CDYL: variants seen among roughly 807,000 people sequenced by gnomAD.
CDYL encodes the protein chromodomain Y like.
CDYL carries 8 observed loss-of-function variants against 47.3 expected under a neutral mutation model. The ratio of observed to expected loss-of-function variants is 0.17; its 90% CI spans 0.10 to 0.31. The LOEUF is 0.31. CDYL is among the 10% of genes least tolerant of loss of function. The pLI is 1.00. For missense variants in CDYL, 471 were observed against 701.4 expected (o/e 0.67, Z 3.71); for synonymous variants, 266 against 265.0 (o/e 1.00, Z -0.04).
intron 2 of CDYL, among the ~76,000 whole-genome samples, chr6:4,913,458 C>T (rs959797668): frequency 6.6e-6 from 1 of 152,094 alleles, no homozygotes; most frequent in East Asian, 1.9e-4. Flanking sequence ...AATGGTGGCT[C>T]GTAGTGTTTT....
intron 3 of CDYL, among the ~76,000 whole-genome samples, chr6:4,762,674 T>C (rs932227550): frequency 1.2e-4 from 17 of 137,186 alleles, no homozygotes; most frequent in African/African-American, 4.7e-4. Context: ...AAAAAAGGTT[T>C]AAGAGCAGAT....
At chr6:4,850,801 A>G (rs1281072878) in intron 1 of CDYL, among the ~76,000 whole-genome samples, 1 of 152,254 alleles carries the variant, frequency 6.6e-6, no homozygotes, top group Non-Finnish European at 1.5e-5. Flanking sequence ...GGAGAGATCC[A>G]TATAATTTGG....
At chr6:4,723,024 A>G (rs1228689082) in intron 2 of CDYL, among the ~76,000 whole-genome samples, 1 of 152,224 alleles carries the variant, frequency 6.6e-6, no homozygotes, top group Non-Finnish European at 1.5e-5. Context: ...CCTTTATTGA[A>G]TGCCTTCTGT....
intron 1 of CDYL, chr6:4,836,227 C>T (rs1209196950): frequency 4.1e-6 from 4 of 983,074 alleles, no homozygotes; most frequent in Non-Finnish European, 4.8e-6. Context: ...CTTGGCTCCT[C>T]CCCAAGGCTT....
intron 3 of CDYL, among the ~76,000 whole-genome samples, chr6:4,765,600 G>A (rs1174614377): frequency 6.7e-6 from 1 of 149,002 alleles, no homozygotes; most frequent in Non-Finnish European, 1.5e-5. Context: ...GTCTTGCTCT[G>A]TCGCGCAGGC....
intron 2 of CDYL, among the ~76,000 whole-genome samples, chr6:4,726,395 C>T (rs1352878979): frequency 1.3e-5 from 2 of 151,922 alleles, no homozygotes; most frequent in African/African-American, 4.8e-5. Flanking sequence ...ATTAGCCAGG[C>T]GTGGTACGCA....
intron 2 of CDYL, among the ~76,000 whole-genome samples, chr6:4,724,001 C>T (rs1272798262): frequency 6.6e-6 from 1 of 152,142 alleles, no homozygotes; most frequent in Non-Finnish European, 1.5e-5. Flanking sequence ...TTTACTCATC[C>T]CACATACCTG....
chr6:4,782,347 A>G (rs1388249038), intron 1 of CDYL, among the ~76,000 whole-genome samples: 2 of 152,138 alleles, frequency 1.3e-5, no homozygotes, highest in Non-Finnish European at 2.9e-5. Flanking sequence ...ATAATTGTTG[A>G]GTTACTTTAA....
At chr6:4,867,774 T>G (rs1020264678) in intron 1 of CDYL, among the ~76,000 whole-genome samples, 1 of 110,320 alleles carries the variant, frequency 9.1e-6, no homozygotes, top group African/African-American at 5.1e-5. Context: ...GTTGTGGGGT[T>G]TTTTTTTTTT....
At chr6:4,902,801 C>T (rs1757109020) in intron 2 of CDYL, among the ~76,000 whole-genome samples, 1 of 152,120 alleles carries the variant, frequency 6.6e-6, no homozygotes, top group African/African-American at 2.4e-5. Context: ...ACTAACGTGG[C>T]TTGAGTACTT....
intron 2 of CDYL, among the ~76,000 whole-genome samples, chr6:4,916,723 G>C (rs1757566640): frequency 6.6e-6 from 1 of 152,218 alleles, no homozygotes. Flanking sequence ...TGTGAGGACA[G>C]AGGCATCTCT....
chr6:4,874,076 CA>C (rs1761548070), intron 1 of CDYL, among the ~76,000 whole-genome samples: 1 of 152,154 alleles, frequency 6.6e-6, no homozygotes, highest in Non-Finnish European at 1.5e-5. Flanking sequence ...TCTTCCCACT[CA>C]CACACTCTCA....
intron 1 of CDYL, among the ~76,000 whole-genome samples, chr6:4,881,569 G>T (rs770971316): frequency 1.3e-5 from 2 of 152,160 alleles, no homozygotes; most frequent in Non-Finnish European, 2.9e-5. Flanking sequence ...TAAAGCAGAA[G>T]AATCTTGTAA....
At chr6:4,903,990 C>T (rs994615834) in intron 2 of CDYL, among the ~76,000 whole-genome samples, 1 of 152,194 alleles carries the variant, frequency 6.6e-6, no homozygotes, top group African/African-American at 2.4e-5. Context: ...CCCTGACTTC[C>T]AGGAGCTCAG....
intron 1 of CDYL, among the ~76,000 whole-genome samples, chr6:4,824,435 G>A (rs1759924221): frequency 6.6e-6 from 1 of 152,152 alleles, no homozygotes; most frequent in Non-Finnish European, 1.5e-5. Context: ...TAGATTTAAA[G>A]TAGTATTTCA....
At chr6:4,799,121 A>G (rs970226617) in intron 1 of CDYL, among the ~76,000 whole-genome samples, 3 of 152,226 alleles carry the variant, frequency 2.0e-5, no homozygotes, top group Non-Finnish European at 2.9e-5. Flanking sequence ...TGCTTTCATT[A>G]GAATCCAGTT....
chr6:4,805,775 A>G (rs1050084421), intron 1 of CDYL, among the ~76,000 whole-genome samples: 1 of 152,216 alleles, frequency 6.6e-6, no homozygotes, highest in Non-Finnish European at 1.5e-5. Context: ...TCCAGGCTCT[A>G]AGTGGATTGG....
intron 2 of CDYL, among the ~76,000 whole-genome samples, chr6:4,725,965 T>G (rs2127412358): frequency 6.6e-6 from 1 of 152,014 alleles, no homozygotes; most frequent in African/African-American, 2.4e-5. Context: ...AGCGTTTCAC[T>G]GCATTTATCT....
rs76301633 is a variant in CDYL at position 4,734,651 on chromosome 6, A to G, written c.104-111A>G. 1,395 of 1,414,650 alleles carry G rather than the reference A, an allele frequency of 9.9e-4. 27 individuals are homozygous for G. In the East Asian group the frequency reaches 0.03, roughly 30 times the overall value. 87.6% of individuals were successfully genotyped at this position (1,414,650 alleles called of 1,614,324 possible). On this transcript the variant is annotated intron_variant, in intron 2 of 8. Coordinates refer to the CDYL transcript ENST00000328908. ...TGTTCAGTTAGACTCCTAATTCAGG[A>G]AGGGGAGGGCACAGGGATGGGAAGT... is the stretch of plus-strand genomic sequence containing the variant.
Sources: allele counts gnomAD v4.1 joint callset (sites outside exome capture counted in the v4.1 genomes callset), GRCh38; gene constraint gnomAD v4.1.1; transcripts MANE v1.5; gene names NCBI Gene and HGNC (gene_info 2026-07-23, HGNC 2026-07-21).